PEDS1: variants seen among roughly 807,000 people sequenced by gnomAD.
PEDS1 encodes the protein CarF homolog.
Under a neutral mutation model 35.2 loss-of-function variants are expected in PEDS1, and 14 were observed. The observed-to-expected ratio is 0.40, with a 90% CI of 0.26 to 0.62. The LOEUF (loss-of-function observed/expected upper bound fraction) is 0.62, where lower values mean the gene tolerates loss of function less well. Ranked by LOEUF, PEDS1 falls within the 20% of genes least tolerant of loss-of-function variation. PEDS1 has a pLI of 0.44. For missense variants in PEDS1, 260 were observed against 367.8 expected, an observed-to-expected ratio of 0.71 and a Z score of 2.40; for synonymous variants, 152 against 152.0, an observed-to-expected ratio of 1.00 and a Z score of 0.00.
In PEDS1 at chr20:50,129,585, G is replaced by A. The variant is rs763835259; in HGVS notation, c.439C>T (p.Leu147=). 6.2e-7 allele frequency: 1 copy of A among 1,614,130 alleles called. No homozygotes were observed. The highest frequency in any genetic ancestry group is 1.1e-5 in the South Asian group (1 of 91,074). ...CGGAACTTGTAGGCCATGTTTAGCA[G>A]CGGCAGCAGTGTCACCAGGCAGTTG... is the stretch of plus-strand genomic sequence containing the variant. ...GDNCLVTLLP[L]LNMAYKFRTH... Residue 147 remains leucine, a synonymous_variant, in exon 4 of 6, where the codon CTG becomes TTG. Transcript: ENST00000371652. The surrounding 1 kb of genome is among the most constrained non-coding windows in gnomAD (Gnocchi z 4.2).
At chr20:50,145,185 G>A (rs1000629907) in intron 1 of PEDS1, among the ~76,000 whole-genome samples, 24 of 151,046 alleles carry the variant, frequency 1.6e-4, no homozygotes, top group African/African-American at 5.6e-4. Flanking sequence ...CTGGGCGGCA[G>A]AGTGAGACTC....
Position 50,125,037 on chromosome 20 carries a change from C to T in PEDS1, c.*21G>A, listed in dbSNP as rs1329506982. On this transcript the variant is annotated 3_prime_UTR_variant, in exon 6 of 6. Coordinates refer to ENST00000371652, the MANE Select transcript of PEDS1 (RefSeq NM_199129.4). ...TTGGGGGCTAGGGAAGGTTGGCAAC[C>T]AGGTAGCAGGCTCGGAGAAGTTATT... is the stretch of plus-strand genomic sequence containing the variant. 1 of 1,612,208 alleles carries T rather than the reference C, an allele frequency of 6.2e-7. No individual in the cohort carries two copies. Among genetic ancestry groups the T allele is most frequent in the Non-Finnish European group, 8.5e-7 (1 of 1,178,612 alleles).
chr20:50,136,912 C>T (rs776210663), intron 2 of PEDS1, among the ~76,000 whole-genome samples: 19 of 151,478 alleles, frequency 1.3e-4, no homozygotes, highest in African/African-American at 4.1e-4. Context: ...TGGCATGTGC[C>T]TGTGGTCCTA....
intron 1 of PEDS1, among the ~76,000 whole-genome samples, chr20:50,146,145 G>C (rs916742710): frequency 6.6e-6 from 1 of 152,202 alleles, no homozygotes; most frequent in Non-Finnish European, 1.5e-5. Context: ...GGCCAGAGCA[G>C]GTGAGAAGGG....
intron 2 of PEDS1, among the ~76,000 whole-genome samples, chr20:50,142,685 C>A (rs1209418406): frequency 6.9e-5 from 6 of 86,674 alleles, no homozygotes; most frequent in South Asian, 7.8e-4. Context: ...GTCATCCGCC[C>A]CCCCCCCCCC....
Position 50,120,132 on chromosome 20 carries a change from G to A in PEDS1, c.*4926C>T, listed in dbSNP as rs908251942. On this transcript the variant is annotated 3_prime_UTR_variant, in exon 6 of 6. Coordinates refer to ENST00000371652, the MANE Select transcript of PEDS1 (RefSeq NM_199129.4). ...AAAAAAAAATTAGCTGGATGTGGTG[G>A]TGTCCATCTGTAGTCCTAGCTACTC... 2.0e-5 allele frequency: 3 copies of A among 153,408 alleles called. No homozygotes were observed. The highest frequency in any genetic ancestry group is 2.9e-5 in the Non-Finnish European group (2 of 69,226). 9.5% of individuals were successfully genotyped at this position (153,408 alleles called of 1,614,324 possible).
chr20:50,125,040 G>A lies in PEDS1; in HGVS notation c.*18C>T. On this transcript the variant is annotated 3_prime_UTR_variant, in exon 6 of 6. Coordinates refer to ENST00000371652, the MANE Select transcript of PEDS1 (RefSeq NM_199129.4). ...GGGGCTAGGGAAGGTTGGCAACCAG[G>A]TAGCAGGCTCGGAGAAGTTATTTGA... is the stretch of plus-strand genomic sequence containing the variant. 6.2e-7 allele frequency: 1 copy of A among 1,612,738 alleles called. No individual in the cohort carries two copies. The highest frequency in any genetic ancestry group is 8.5e-7 in the Non-Finnish European group (1 of 1,178,996).
chr20:50,143,443 C>T (rs1035010414), intron 2 of PEDS1, 59 bp downstream of exon 2: 15 of 1,562,768 alleles, frequency 9.6e-6, no homozygotes, highest in Non-Finnish European at 1.3e-5. Context: ...CGCCAGTTAC[C>T]CGGTGGGTCC....
intron 3 of PEDS1, among the ~76,000 whole-genome samples, chr20:50,130,410 G>T (rs2081165191): frequency 6.6e-6 from 1 of 152,148 alleles, no homozygotes; most frequent in South Asian, 2.1e-4. Context: ...TGAAGAATGT[G>T]GTCTGTCGGT....
rs959048203 is a variant in PEDS1 at position 50,121,638 on chromosome 20, C to T, written c.*3420G>A. 2 of 152,180 alleles carry T rather than the reference C, an allele frequency of 1.3e-5. No individual in the cohort carries two copies. The highest frequency in any genetic ancestry group is 2.9e-5 in the Non-Finnish European group (2 of 68,064). 9.4% of individuals were successfully genotyped at this position (152,180 alleles called of 1,614,324 possible). A position where few individuals can be genotyped will look rare whatever the true frequency, so the allele number is the denominator to read the frequency against. On this transcript the variant is annotated 3_prime_UTR_variant, in exon 6 of 6. Coordinates refer to ENST00000371652, the MANE Select transcript of PEDS1 (RefSeq NM_199129.4). ...ACAAGTGGCCCCAACACTCTCAGAC[C>T]CAATGCAGCGCACCTTCTGGTTTTG... is the stretch of plus-strand genomic sequence containing the variant.
In PEDS1 at chr20:50,128,648, G is replaced by A. The variant is rs1018495430; in HGVS notation, c.479-461C>T. Among the ~76,000 whole-genome samples the A allele has an allele frequency of 2.0e-5, 3 of 152,194 alleles. No homozygotes were observed. Among genetic ancestry groups the A allele is most frequent in the Non-Finnish European group, 2.9e-5 (2 of 68,044 alleles). ...GCCTCTTCAGGAAAAAACCTCGAAG[G>A]GAGGGAGGGAAGCAAGACACGGCAG... On this transcript the variant is annotated intron_variant, in intron 4 of 5. Coordinates refer to ENST00000371652, the MANE Select transcript of PEDS1 (RefSeq NM_199129.4). This position sits in a 1 kb window ranked among gnomAD's most constrained non-coding sequence, Gnocchi z 5.2.
intron 1 of PEDS1, among the ~76,000 whole-genome samples, chr20:50,145,097 G>C (rs1386758414): frequency 6.6e-6 from 1 of 152,038 alleles, no homozygotes; most frequent in Non-Finnish European, 1.5e-5. Flanking sequence ...AGCTATTCGG[G>C]AGGCTGAGGC....
In PEDS1 at chr20:50,128,750, G is replaced by A. The variant is rs532658440; in HGVS notation, c.479-563C>T. 3.1e-4 allele frequency among the ~76,000 whole-genome samples: 47 copies of A among 152,304 alleles called. No homozygotes were observed. The highest frequency in any genetic ancestry group is 6.3e-4 in the Non-Finnish European group (43 of 68,028). ...CTGCAAGGAGCTCTGAGGTGTTAAC[G>A]GCTCTTTAGAATTAGACCCACTCAG... On this transcript the variant is annotated intron_variant, in intron 4 of 5. Coordinates refer to ENST00000371652, the MANE Select transcript of PEDS1 (RefSeq NM_199129.4). The surrounding 1 kb of genome is among the most constrained non-coding windows in gnomAD (Gnocchi z 5.2).
At chr20:50,132,937 C>T (rs1212950971) in intron 2 of PEDS1, among the ~76,000 whole-genome samples, 1 of 152,140 alleles carries the variant, frequency 6.6e-6, no homozygotes, top group Non-Finnish European at 1.5e-5. Flanking sequence ...CAGCAGAGGA[C>T]AAAGGCAGCT....
Position 50,130,847 on chromosome 20 carries a change from C to T in PEDS1, c.333+9G>A. 1.2e-6 allele frequency: 2 copies of T among 1,613,886 alleles called. No individual in the cohort carries two copies. The highest frequency in any genetic ancestry group is 1.7e-6 in the Non-Finnish European group (2 of 1,179,944). ...CTTCTTGAGGACATGGTTAGGTCAA[C>T]ATACTCACCTTCCCCACAATGGGCA... On this transcript the variant is annotated intron_variant, in intron 3 of 5. Transcript: ENST00000371652.
intron 5 of PEDS1, among the ~76,000 whole-genome samples, chr20:50,127,068 C>T (rs1234624014): frequency 6.6e-6 from 1 of 152,152 alleles, no homozygotes; most frequent in Non-Finnish European, 1.5e-5. Context: ...AGGCCAGCCT[C>T]AGGGCCTTCG....
In PEDS1 at chr20:50,124,779, G is replaced by A. The variant is rs2081081583; in HGVS notation, c.*279C>T. The A allele has an allele frequency of 5.4e-6, 2 of 370,528 alleles. No individual in the cohort carries two copies. The highest frequency in any genetic ancestry group is 1.0e-5 in the Non-Finnish European group (2 of 195,106). The allele number at this position is 370,528 out of a possible 1,614,324, so 23.0% of individuals were successfully genotyped here. A position where few individuals can be genotyped will look rare whatever the true frequency, so the allele number is the denominator to read the frequency against. On this transcript the variant is annotated 3_prime_UTR_variant, in exon 6 of 6. Transcript: ENST00000371652. Reference sequence around the variant, plus strand: ...CAGGGACGGCAGGCGTGCAGGGAGTGGGTAAACCTCCTCTCTACCAGGGGA... The same window carrying A: ...CAGGGACGGCAGGCGTGCAGGGAGTAGGTAAACCTCCTCTCTACCAGGGGA...
chr20:50,140,529 A>G (rs936507335), intron 2 of PEDS1, among the ~76,000 whole-genome samples: 4 of 152,234 alleles, frequency 2.6e-5, no homozygotes, highest in Non-Finnish European at 5.9e-5. Context: ...GGCACGTGCC[A>G]ACCTCGGGGC....
chr20:50,131,625 A>T (rs2081181230), intron 2 of PEDS1, among the ~76,000 whole-genome samples: 1 of 152,014 alleles, frequency 6.6e-6, no homozygotes, highest in East Asian at 1.9e-4. Flanking sequence ...CCGTCTCAAA[A>T]AAAAAAAAAG....
Sources: gnomAD v4.1 joint callset for allele counts (sites outside exome capture counted in the v4.1 genomes callset) on GRCh38, gnomAD v4.1.1 for gene constraint, Gnocchi (gnomAD v3.1) non-coding constraint, MANE v1.5 for transcripts, NCBI Gene and HGNC (gene_info 2026-07-23, HGNC 2026-07-21) for gene names.